Variants in FUT8 observed in about 807,000 individuals in gnomAD.
FUT8 encodes the protein alpha-(1,6)-fucosyltransferase.
FUT8 carries 29 observed loss-of-function variants against 71.3 expected under a neutral mutation model. The observed-to-expected ratio is 0.41, with a 90% confidence interval of 0.30 to 0.55. FUT8 has a LOEUF of 0.55. FUT8 is among the 20% of genes least tolerant of loss of function. The pLI is 0.34. For synonymous variants in FUT8, 254 were observed against 239.3 expected (o/e 1.06, Z -0.57); for missense variants, 544 against 702.1 (o/e 0.77, Z 2.55).
At chr14:65,728,613 A>G (rs997489935) in intron 9 of FUT8, among the ~76,000 whole-genome samples, 2 of 152,242 alleles carry the variant, frequency 1.3e-5, no homozygotes, top group Admixed American at 1.3e-4. Flanking sequence ...TCAGTCAGCG[A>G]TGAAACACCT....
At chr14:65,678,479 C>T (rs912776627) in intron 7 of FUT8, among the ~76,000 whole-genome samples, 4 of 152,184 alleles carry the variant, frequency 2.6e-5, no homozygotes, top group Non-Finnish European at 5.9e-5. Context: ...CTAGAGCCAT[C>T]GCTGACCCCA....
rs137855913 is a variant in FUT8, at chr14:65,502,455, C to A, written c.-228+46737C>A. 7.0e-3 allele frequency among the ~76,000 whole-genome samples: 1,069 copies of A among 152,156 alleles called. 12 individuals carry two copies. Among genetic ancestry groups the A allele is most frequent in the African/African-American group, 0.023 (968 of 41,504 alleles). On this transcript the variant is annotated intron_variant, in intron 2 of 10. Transcript: ENST00000673929. ...GCCCAGGCTGGTCTCGAACTCCAGACCTCAAGTGATCTGTCCGCCTTAGGC... is the reference window on the plus strand; with the variant it reads ...GCCCAGGCTGGTCTCGAACTCCAGAACTCAAGTGATCTGTCCGCCTTAGGC...
At chr14:65,495,940 CAG>C (rs1489592725) in intron 2 of FUT8, among the ~76,000 whole-genome samples, 1 of 151,910 alleles carries the variant, frequency 6.6e-6, no homozygotes, top group Non-Finnish European at 1.5e-5. Flanking sequence ...AGGGGAGAAA[CAG>C]ACATTTTTAG....
intron 7 of FUT8, among the ~76,000 whole-genome samples, chr14:65,695,965 A>G (rs556047955): frequency 1.7e-3 from 262 of 152,136 alleles, no homozygotes; most frequent in African/African-American, 6.0e-3. Flanking sequence ...ATCCAAATCC[A>G]CTTTCAAATA....
In FUT8 at chr14:65,483,014, A is replaced by G. The variant is rs1358596621; in HGVS notation, c.-228+27296A>G. Reference sequence around the variant, plus strand: ...GCTCAGAGGGCAGCAATACCCAGCAACCAGTGACCCGAGGCCAGCAACTTC... The same window carrying G: ...GCTCAGAGGGCAGCAATACCCAGCAGCCAGTGACCCGAGGCCAGCAACTTC... On this transcript the variant is annotated intron_variant, in intron 2 of 10. Transcript: ENST00000673929. This position sits in a 1 kb window ranked among gnomAD's most constrained non-coding sequence, Gnocchi z 4.4. 1.3e-5 allele frequency among the ~76,000 whole-genome samples: 2 copies of G among 152,200 alleles called. No homozygotes were observed. Among genetic ancestry groups the G allele is most frequent in the African/African-American group, 2.4e-5 (1 of 41,454 alleles).
intron 3 of FUT8, among the ~76,000 whole-genome samples, chr14:65,590,828 CT>C (rs1270303673): frequency 6.6e-6 from 1 of 152,118 alleles, no homozygotes; most frequent in Admixed American, 6.5e-5. Flanking sequence ...ATTCTTTCAC[CT>C]TCTGGCACTC....
Position 65,643,235 on chromosome 14 carries a change from A to G in FUT8, c.597+13629A>G, listed in dbSNP as rs1890922602. On this transcript the variant is annotated intron_variant, in intron 6 of 10. Coordinates refer to ENST00000673929, the MANE Select transcript of FUT8 (RefSeq NM_001371533.1). This position sits in a 1 kb window ranked among gnomAD's most constrained non-coding sequence, Gnocchi z 4.5. ...AGCATTTTGACATTTTTCAGTTTACATATTTTTATATATTCAAATTCTCTT... is the reference window on the plus strand; with the variant it reads ...AGCATTTTGACATTTTTCAGTTTACGTATTTTTATATATTCAAATTCTCTT... 2.0e-5 allele frequency among the ~76,000 whole-genome samples: 3 copies of G among 152,350 alleles called. No homozygotes were observed. In the South Asian group the frequency reaches 6.2e-4, roughly 32 times the overall value.
intron 6 of FUT8, among the ~76,000 whole-genome samples, chr14:65,656,103 G>A (rs1277518601): frequency 6.6e-6 from 1 of 151,968 alleles, no homozygotes; most frequent in African/African-American, 2.4e-5. Flanking sequence ...ATTACTCTAG[G>A]TAGAGTAATC....
At chr14:65,729,384 C>G (rs1895850009) in intron 9 of FUT8, among the ~76,000 whole-genome samples, 1 of 152,120 alleles carries the variant, frequency 6.6e-6, no homozygotes. Context: ...TTTGACCAAC[C>G]ATTCTTCTAA....
chr14:65,637,469 T>C (rs17826796), intron 6 of FUT8, among the ~76,000 whole-genome samples: 22,473 of 152,140 alleles, frequency 0.15, 2,226 homozygotes, highest in East Asian at 0.38. Flanking sequence ...CTTGAAATTA[T>C]CTGTCTCTGA....
the FUT8 span, among the ~76,000 whole-genome samples, chr14:65,358,727 A>G: frequency 1.3e-5 from 2 of 152,208 alleles, no homozygotes; most frequent in Non-Finnish European, 2.9e-5. Context: ...CTGGGATTAT[A>G]GGTGTGAGCT....
the FUT8 span, among the ~76,000 whole-genome samples, chr14:65,389,275 C>T: frequency 2.0e-5 from 3 of 151,826 alleles, no homozygotes; most frequent in Non-Finnish European, 4.4e-5. Context: ...TGTGTGTGAT[C>T]GTGGCTTCCT....
chr14:65,456,870 T>C (rs2065900640), intron 2 of FUT8, among the ~76,000 whole-genome samples: 1 of 138,142 alleles, frequency 7.2e-6, no homozygotes. Context: ...AGACTCTGTC[T>C]CAAAAAAAAA....
At chr14:65,692,929 C>T (rs1161551189) in intron 7 of FUT8, among the ~76,000 whole-genome samples, 4 of 151,606 alleles carry the variant, frequency 2.6e-5, no homozygotes, top group African/African-American at 4.9e-5. Flanking sequence ...CAGAGACGCT[C>T]CTCACTTCCT....
intron 2 of FUT8, among the ~76,000 whole-genome samples, chr14:65,560,932 C>T (rs932788245): frequency 3.9e-5 from 6 of 152,126 alleles, no homozygotes; most frequent in South Asian, 2.1e-4. Flanking sequence ...TGAAATCACT[C>T]ATACAGGGAA....
At chr14:65,515,120 C>CACA (rs761154219) in intron 2 of FUT8, among the ~76,000 whole-genome samples, 2,262 of 152,154 alleles carry the variant, frequency 0.015, 19 homozygotes, top group Middle Eastern at 0.024. Flanking sequence ...AAATTCAGTT[C>CACA]CTAGTGTAGT....
At chr14:65,579,525 C>T (rs1449182593) in intron 3 of FUT8, among the ~76,000 whole-genome samples, 2 of 152,038 alleles carry the variant, frequency 1.3e-5, no homozygotes, top group Non-Finnish European at 2.9e-5. Context: ...GTAGAAATGG[C>T]ACATTAAACA....
chr14:65,418,167 A>G (rs556985810), intron 1 of FUT8, among the ~76,000 whole-genome samples: 6 of 152,212 alleles, frequency 3.9e-5, no homozygotes, highest in Non-Finnish European at 8.8e-5. Context: ...TTGAAAGTGC[A>G]TAAATGCTAT....
the FUT8 span, among the ~76,000 whole-genome samples, chr14:65,393,022 AG>A: frequency 2.7e-4 from 41 of 152,320 alleles, no homozygotes; most frequent in African/African-American, 8.9e-4. Flanking sequence ...GCTACAGACT[AG>A]GAGTGGATGT....
Sources: gnomAD v4.1 joint callset for allele counts (sites outside exome capture counted in the v4.1 genomes callset) on GRCh38, gnomAD v4.1.1 for gene constraint, Gnocchi (gnomAD v3.1) non-coding constraint, MANE v1.5 for transcripts, NCBI Gene and HGNC (gene_info 2026-07-23, HGNC 2026-07-21) for gene names.